The following AGFG1 variants were observed in gnomAD, a reference collection of about 807,000 sequenced individuals.
The protein encoded by AGFG1 is arf-GAP domain and FG repeat-containing protein 1.
A neutral mutation model predicts 60.6 loss-of-function variants in AGFG1; 10 were observed. The ratio of observed to expected loss-of-function variants is 0.16; its 90% CI spans 0.10 to 0.28. AGFG1 has a LOEUF of 0.28. Among genes scored for constraint, AGFG1 ranks in the 10% least tolerant of loss-of-function variants. The pLI is 1.00. For synonymous variants in AGFG1, 247 were observed against 242.9 expected (o/e 1.02, Z -0.16); for missense variants, 537 against 676.5 (o/e 0.79, Z 2.29).
At chr2:227,477,886 A>G (rs1690332633) in intron 1 of AGFG1, among the ~76,000 whole-genome samples, 1 of 152,156 alleles carries the variant, frequency 6.6e-6, no homozygotes, top group South Asian at 2.1e-4. Flanking sequence ...CTTGGATTAC[A>G]AGCATGAGCC....
At position 227,554,446 on chromosome 2, in the gene AGFG1, C is replaced by T; in HGVS notation, c.1640C>T (p.Pro547Leu). ...VSSNPFMTGA[P>L]TGQFPTGSSS... ...TATGTTTTCCTTTAGACTGGTGCAC[C>T]AACAGGACAATTTCCAACAGGAAGC... Residue 547 changes from proline (P) to leucine (L), a missense_variant, in exon 13 of 13, where the codon CCA (proline) becomes CTA (leucine). Pro to Leu is a moderately conservative substitution (Grantham distance 98). Transcript: ENST00000310078. 4.3e-6 allele frequency: 7 copies of T among 1,613,152 alleles called. No homozygotes were observed. Among genetic ancestry groups the T allele is most frequent in the Non-Finnish European group, 5.9e-6 (7 of 1,179,532 alleles).
In AGFG1 at chr2:227,555,935, A is replaced by G. The variant is rs529027952; in HGVS notation, c.*1440A>G. 1.3e-5 allele frequency: 2 copies of G among 152,320 alleles called. No homozygotes were observed. Among genetic ancestry groups the G allele is most frequent in the South Asian group, 4.1e-4 (2 of 4,826 alleles). The allele number at this position is 152,320 out of a possible 1,614,324, so 9.4% of individuals were successfully genotyped here. A position where few individuals can be genotyped will look rare whatever the true frequency, so the allele number is the denominator to read the frequency against. ...TATTTGCTTGTCCAGACTATAGCATATTAGCTGTTTAGAAGGGATGGCTTG... is the reference window on the plus strand; with the variant it reads ...TATTTGCTTGTCCAGACTATAGCATGTTAGCTGTTTAGAAGGGATGGCTTG... On this transcript the variant is annotated 3_prime_UTR_variant, in exon 13 of 13. Transcript: ENST00000310078.
chr2:227,536,349 G>A (rs541133987), intron 8 of AGFG1, among the ~76,000 whole-genome samples: 9 of 152,184 alleles, frequency 5.9e-5, no homozygotes, highest in African/African-American at 2.2e-4. Context: ...TATTAAGATA[G>A]TGGCACCAAA....
chr2:227,506,771 C>CT (rs1355158638), intron 2 of AGFG1, among the ~76,000 whole-genome samples: 1 of 152,054 alleles, frequency 6.6e-6, no homozygotes, highest in Non-Finnish European at 1.5e-5. Flanking sequence ...TTTTTATCCT[C>CT]TAAGTTTCCT....
chr2:227,482,102 T>C (rs1575061556), intron 1 of AGFG1, among the ~76,000 whole-genome samples: 1 of 152,142 alleles, frequency 6.6e-6, no homozygotes, highest in East Asian at 1.9e-4. Flanking sequence ...CCTGACCTCG[T>C]GATCTGCCCG....
chr2:227,529,314 T>A (rs1375539371), intron 5 of AGFG1, among the ~76,000 whole-genome samples: 1 of 152,184 alleles, frequency 6.6e-6, no homozygotes, highest in Non-Finnish European at 1.5e-5. Context: ...TGCCAATTTC[T>A]TCTCATCCTG....
At chr2:227,524,664 T>G in intron 4 of AGFG1, 98 bp from the exon 5 acceptor site, 1 of 1,260,468 alleles carries the variant, frequency 7.9e-7, no homozygotes, top group Non-Finnish European at 1.1e-6. Context: ...ACTGTAACTC[T>G]TCGTATGTAT....
chr2:227,503,066 C>T (rs1691207703), intron 2 of AGFG1, among the ~76,000 whole-genome samples: 1 of 151,820 alleles, frequency 6.6e-6, no homozygotes, highest in South Asian at 2.1e-4. Flanking sequence ...GACCCTGTCT[C>T]TACAAAAAAT....
chr2:227,534,920 C>T lies in AGFG1; in HGVS notation c.1100C>T (p.Ser367Leu), dbSNP rs768000101. Residue 367 changes from serine to leucine, a missense_variant, in exon 8 of 13, where the codon TCA (serine) becomes TTA (leucine). Ser to Leu is a moderately radical substitution (Grantham distance 145). This residue lies in a region of AGFG1 where 287 missense variants were observed against 343.6 expected (regional missense o/e 0.84). Transcript: ENST00000310078. ...VGSVVSVPSQ[S>L]SASSDKYAAL... ...TCTGTGGTTTCAGTTCCCAGTCAGT[C>T]AAGTGCATCTTCAGACAAGTATGCA... 10 of 1,613,684 alleles carry T rather than the reference C, an allele frequency of 6.2e-6. No individual in the cohort carries two copies. The highest frequency in any genetic ancestry group is 8.5e-6 in the Non-Finnish European group (10 of 1,179,648).
At chr2:227,536,276 G>GT (rs1390463443) in intron 8 of AGFG1, among the ~76,000 whole-genome samples, 1 of 150,598 alleles carries the variant, frequency 6.6e-6, no homozygotes, top group Admixed American at 6.7e-5. Context: ...GCAGTGTTTG[G>GT]TTTTCTGTCC....
At chr2:227,477,139 T>C (rs1257022916) in intron 1 of AGFG1, among the ~76,000 whole-genome samples, 1 of 152,130 alleles carries the variant, frequency 6.6e-6, no homozygotes, top group African/African-American at 2.4e-5. Context: ...TGACCTCAGG[T>C]GATCCACCGC....
At chr2:227,531,315 A>T (rs1692151943) in intron 6 of AGFG1, 105 bp downstream of exon 6, 33 of 1,309,982 alleles carry the variant, frequency 2.5e-5, no homozygotes, top group Non-Finnish European at 3.4e-5. Context: ...TAATTATCTG[A>T]CTTTAAAATG....
intron 2 of AGFG1, among the ~76,000 whole-genome samples, chr2:227,507,194 T>C (rs1691340914): frequency 6.6e-6 from 1 of 152,124 alleles, no homozygotes; most frequent in Non-Finnish European, 1.5e-5. Context: ...TTAATAATAC[T>C]GAGACTCAGT....
rs546493070 is a variant in AGFG1 at position 227,542,563 on chromosome 2, G to A, written c.1378+5570G>A. ...ATGTGCTGCTGGATTTGGTTTGCCA[G>A]TATTTTATTGAGGATTTTTACATCG... is the stretch of plus-strand genomic sequence containing the variant. On this transcript the variant is annotated intron_variant, in intron 10 of 12. Coordinates refer to ENST00000310078, the MANE Select transcript of AGFG1 (RefSeq NM_004504.5). 5.9e-5 allele frequency among the ~76,000 whole-genome samples: 9 copies of A among 152,330 alleles called. No individual in the cohort carries two copies. The South Asian group carries it at 1.7e-3, about 28-fold the overall frequency.
chr2:227,492,130 G>A (rs745536038), intron 2 of AGFG1, among the ~76,000 whole-genome samples: 20 of 152,070 alleles, frequency 1.3e-4, no homozygotes, highest in Admixed American at 8.5e-4. Flanking sequence ...GCAGCTAAGT[G>A]TCATGGGGAG....
chr2:227,542,419 C>T (rs537829496), intron 10 of AGFG1, among the ~76,000 whole-genome samples: 1 of 151,642 alleles, frequency 6.6e-6, no homozygotes, highest in Admixed American at 6.6e-5. Context: ...TTGAGATACT[C>T]GTGGTTTTAG....
chr2:227,510,671 A>G (rs1468454647), intron 2 of AGFG1: 2 of 152,062 alleles, frequency 1.3e-5, no homozygotes, highest in African/African-American at 4.8e-5. Context: ...CTGTCTGCAA[A>G]TCTGTTTTTC....
intron 2 of AGFG1, among the ~76,000 whole-genome samples, chr2:227,500,154 T>G (rs1425486636): frequency 6.6e-6 from 1 of 152,142 alleles, no homozygotes; most frequent in African/African-American, 2.4e-5. Context: ...GAGGAATTGG[T>G]AATGATGTTT....
At position 227,558,673 on chromosome 2, in the gene AGFG1, G is replaced by T. The variant is rs1003204545; in HGVS notation, c.*4178G>T. On this transcript the variant is annotated 3_prime_UTR_variant, in exon 13 of 13. Transcript: ENST00000310078. ...TTCACGTGGTTGTTTGTGAACAGAT[G>T]AATATATAACCACGATGTAATCCAG... 4 of 152,112 alleles carry T rather than the reference G, an allele frequency of 2.6e-5. No individual in the cohort carries two copies. The highest frequency in any genetic ancestry group is 9.7e-5 in the African/African-American group (4 of 41,436). The allele number at this position is 152,112 out of a possible 1,614,324, so 9.4% of individuals were successfully genotyped here. A position where few individuals can be genotyped will look rare whatever the true frequency, so the allele number is the denominator to read the frequency against.
Sources: allele counts gnomAD v4.1 joint callset (sites outside exome capture counted in the v4.1 genomes callset), GRCh38; gene constraint gnomAD v4.1.1; regional missense constraint gnomAD v4.1.1; transcripts MANE v1.5; gene names NCBI Gene and HGNC (gene_info 2026-07-23, HGNC 2026-07-21).